The following ELAC2 variants were observed in gnomAD, a reference collection of about 807,000 sequenced individuals.
The protein encoded by ELAC2 is zinc phosphodiesterase ELAC protein 2.
ELAC2 carries 92 observed loss-of-function variants against 105.2 expected under a neutral mutation model. That is an observed-to-expected ratio of 0.87 (90% CI 0.74 to 1.04). The LOEUF is 1.04. Among genes scored for constraint, ELAC2 ranks in the 50% least tolerant of loss-of-function variants. The pLI, the probability that ELAC2 is intolerant of heterozygous loss-of-function variation, is 0.00. For missense variants in ELAC2, 1,099 were observed against 1,071.7 expected (o/e 1.03, Z -0.36); for synonymous variants, 468 against 409.1 (o/e 1.14, Z -1.74).
chr17:13,001,453 T>C lies in ELAC2; in HGVS notation c.1304+821A>G, dbSNP rs376577070. 5.9e-5 allele frequency among the ~76,000 whole-genome samples: 9 copies of C among 151,968 alleles called. No homozygotes were observed. In the East Asian group the frequency reaches 1.4e-3, roughly 23 times the overall value. ...GTTGCAGTGAGCTGAGATCACGCCA[T>C]TGCACTCCAGCCTGGGCAACAAGAG... is the stretch of plus-strand genomic sequence containing the variant. On this transcript the variant is annotated intron_variant, in intron 14 of 23. Coordinates refer to ENST00000338034, the MANE Select transcript of ELAC2 (RefSeq NM_018127.7).
chr17:13,008,696 C>T (rs1038457241), intron 8 of ELAC2, among the ~76,000 whole-genome samples: 8 of 151,028 alleles, frequency 5.3e-5, no homozygotes, highest in South Asian at 4.2e-4. Flanking sequence ...CGAGGTCTTC[C>T]AACAGATGAG....
Position 12,994,838 on chromosome 17 carries a change from G to C in ELAC2, c.1955C>G (p.Ala652Gly). The change falls in exon 21 of 24, where the codon GCG becomes GGG. Residue 652 changes from alanine (A) to glycine (G), a missense_variant. Transcript: ENST00000338034. ...TTTCCAGCCAGAGGTGTGCACCAGC[G>C]CACAGCCAAACGCATGCTTGCAGTG... ...VRHCKHAFGCALVHTSGWKVV... is the reference protein window; with the variant it reads ...VRHCKHAFGCGLVHTSGWKVV... 1 of 1,614,012 alleles carries C rather than the reference G, an allele frequency of 6.2e-7. No individual in the cohort carries two copies. Among genetic ancestry groups the C allele is most frequent in the Non-Finnish European group, 8.5e-7 (1 of 1,180,032 alleles).
Position 12,992,978 on chromosome 17 carries a change from T to G in ELAC2, c.2321A>C (p.Asp774Ala). 1.2e-6 allele frequency: 2 copies of G among 1,605,252 alleles called. No homozygotes were observed. Among genetic ancestry groups the G allele is most frequent in the Non-Finnish European group, 1.7e-6 (2 of 1,175,620 alleles). Residue 774 changes from aspartate (D) to alanine (A), a missense_variant, in exon 24 of 24, where the codon GAC becomes GCC. Transcript: ENST00000338034. ...CCTGCGCTCCTCCATCTCCTCGATG[T>G]CGCCAGCAAACAGGGCTTTCAGTGG... ...IPPLKALFAGDIEEMEERREK... is the reference protein window; with the variant it reads ...IPPLKALFAGAIEEMEERREK...
At chr17:13,006,112 T>G in intron 8 of ELAC2, 133 bp from the exon 9 acceptor site, 1 of 923,590 alleles carries the variant, frequency 1.1e-6, no homozygotes, top group East Asian at 2.6e-5. Flanking sequence ...GGCTCACGCC[T>G]GTAATTCCAG....
chr17:13,001,247 C>A (rs986881648), intron 14 of ELAC2, among the ~76,000 whole-genome samples: 5 of 152,298 alleles, frequency 3.3e-5, no homozygotes, highest in Middle Eastern at 3.4e-3. Flanking sequence ...AATCCCAACA[C>A]TTTGGGAGGC....
rs1555570450 is a variant in ELAC2, at chr17:12,991,864, CTTACT to C, written c.*949_*953del. On this transcript the variant is annotated 3_prime_UTR_variant, in exon 24 of 24. Transcript: ENST00000338034. ...TAGATTCAACTTACTTACTTACTTA[CTTACT>C]TTACTTACTTACTTCCTTGGAAAAT... 7.9e-6 allele frequency among the ~76,000 whole-genome samples: 1 copy of C among 126,790 alleles called. No individual in the cohort carries two copies. The highest frequency in any genetic ancestry group is 2.5e-5 in the African/African-American group (1 of 39,234). The allele number at this position is 126,790 out of a possible 152,430, so 83.2% of individuals were successfully genotyped here.
At chr17:13,010,233 C>G (rs189383790) in intron 8 of ELAC2, among the ~76,000 whole-genome samples, 1 of 152,006 alleles carries the variant, frequency 6.6e-6, no homozygotes, top group East Asian at 1.9e-4. Flanking sequence ...TGCAATGGTG[C>G]AATCTCAACT....
intron 8 of ELAC2, among the ~76,000 whole-genome samples, chr17:13,008,122 C>T (rs1361451680): frequency 6.6e-6 from 1 of 151,920 alleles, no homozygotes; most frequent in Non-Finnish European, 1.5e-5. Flanking sequence ...ATCACTTGAA[C>T]CTGGAAGGCA....
intron 8 of ELAC2, chr17:13,006,456 TGAA>T (rs1287170552): frequency 3.3e-5 from 6 of 182,188 alleles, no homozygotes; most frequent in African/African-American, 1.4e-4. Context: ...TACCATATTC[TGAA>T]GAAGTCATTT....
chr17:13,006,326 G>A (rs993100063), intron 8 of ELAC2: 124 of 306,076 alleles, frequency 4.1e-4, no homozygotes, highest in Non-Finnish European at 6.4e-4. Flanking sequence ...CCGAGATCGC[G>A]CCATTGCACT....
In ELAC2 at chr17:13,017,722, C is replaced by G. The variant is rs377073548; in HGVS notation, c.226G>C (p.Val76Leu). The G allele has an allele frequency of 6.2e-7, 1 of 1,612,902 alleles. No individual in the cohort carries two copies. The highest frequency in any genetic ancestry group is 1.1e-5 in the South Asian group (1 of 91,016). The part of the protein sequence containing the change: ...GSRDSGAALY[V>L]FSEFNRYLFN... ...ACTGACCGGTTGAACTCGGAGAAGACGTAGAGCGCGGCGCCCGAGTCCCGG... is the reference window on the plus strand; with the variant it reads ...ACTGACCGGTTGAACTCGGAGAAGAGGTAGAGCGCGGCGCCCGAGTCCCGG... The change falls in exon 1 of 24, where the codon GTC (valine) becomes CTC (leucine). Residue 76 changes from valine to leucine, a missense_variant. Coordinates refer to ENST00000338034, the MANE Select transcript of ELAC2 (RefSeq NM_018127.7).
Position 12,992,531 on chromosome 17 carries a change from G to GTT in ELAC2, c.*285_*286dup. ...GATTAGAGGAAAGGTGCCGCCGTCT[G>GTT]TTTCCAAGACTTCTTTAAAAACTGC... On this transcript the variant is annotated 3_prime_UTR_variant, in exon 24 of 24. Transcript: ENST00000338034. The GTT allele has an allele frequency of 4.0e-6, 2 of 506,212 alleles. No homozygotes were observed. Among genetic ancestry groups the GTT allele is most frequent in the East Asian group, 6.7e-5 (2 of 29,718 alleles). The allele number at this position is 506,212 out of a possible 1,614,324, so 31.4% of individuals were successfully genotyped here.
chr17:13,017,202 G>T, intron 1 of ELAC2, 81 bp from the exon 2 acceptor site: 6 of 1,229,248 alleles, frequency 4.9e-6, no homozygotes, highest in African/African-American at 1.5e-5. Context: ...TTTTATTGTA[G>T]ACTCTGGAAA....
chr17:13,003,225 C>T (rs2040918750), intron 12 of ELAC2, among the ~76,000 whole-genome samples: 2 of 152,218 alleles, frequency 1.3e-5, no homozygotes, highest in Admixed American at 6.5e-5. Context: ...AGTATTTGTT[C>T]AGACACCCTG....
intron 8 of ELAC2, chr17:13,006,637 A>C (rs2041124048): frequency 6.5e-6 from 1 of 154,912 alleles, no homozygotes; most frequent in Admixed American, 6.3e-5. Context: ...ACATTCCTCA[A>C]TTAATAGCTA....
Position 13,002,473 on chromosome 17 carries a change from T to C in ELAC2, c.1186A>G (p.Ile396Val), listed in dbSNP as rs149544601. The C allele has an allele frequency of 6.3e-5, 101 of 1,610,078 alleles. No individual in the cohort carries two copies. The African/African-American group carries it at 1.0e-3, about 16-fold the overall frequency. ...QTQLNLIHPD[I>V]FPLLTSFRCK... ...CGGAAACTGGTGAGCAGGGGGAAGA[T>C]GTCCGGGTGGATGAGGTTGAGCTGG... The change falls in exon 13 of 24, where the codon ATC (isoleucine) becomes GTC (valine). Residue 396 changes from isoleucine to valine, a missense_variant. Coordinates refer to ENST00000338034, the MANE Select transcript of ELAC2 (RefSeq NM_018127.7).
chr17:12,998,854 T>TG (rs1235799955), intron 15 of ELAC2, among the ~76,000 whole-genome samples: 1 of 152,160 alleles, frequency 6.6e-6, no homozygotes, highest in African/African-American at 2.4e-5. Flanking sequence ...ACTTCCTACT[T>TG]GCGCTCCTCT....
chr17:13,015,555 T>C (rs371854135), intron 4 of ELAC2, among the ~76,000 whole-genome samples: 1 of 152,230 alleles, frequency 6.6e-6, no homozygotes, highest in African/African-American at 2.4e-5. Context: ...AGTCATCTTA[T>C]AGATGAATAA....
intron 7 of ELAC2, 101 bp downstream of exon 7, chr17:13,011,562 C>T: frequency 1.9e-6 from 3 of 1,587,018 alleles, no homozygotes; most frequent in Admixed American, 1.7e-5. Flanking sequence ...TCTGTTTACA[C>T]ACCTGGCTTT....
Sources: allele counts gnomAD v4.1 joint callset (sites outside exome capture counted in the v4.1 genomes callset), GRCh38; gene constraint gnomAD v4.1.1; transcripts MANE v1.5; gene names NCBI Gene and HGNC (gene_info 2026-07-23, HGNC 2026-07-21).